The following TRDN variants were observed in gnomAD, a reference collection of about 807,000 sequenced individuals.
TRDN encodes triadin in skeletal muscle.
In TRDN, 161 loss-of-function variants were observed where a neutral mutation model predicts 149.7. The ratio of observed to expected loss-of-function variants is 1.08; its 90% confidence interval spans 0.95 to 1.23. The LOEUF (loss-of-function observed/expected upper bound fraction) is 1.23, where lower values mean the gene tolerates loss of function less well. Among genes scored for constraint, TRDN ranks in the 50% most tolerant of loss-of-function variants. The pLI is 0.00. For synonymous variants in TRDN, 294 were observed against 250.5 expected (o/e 1.17, Z -1.64); for missense variants, 896 against 823.5 (o/e 1.09, Z -1.08).
intron 23 of TRDN, among the ~76,000 whole-genome samples, chr6:123,320,152 T>C (rs980746784): frequency 2.0e-5 from 3 of 152,024 alleles, no homozygotes; most frequent in African/African-American, 7.2e-5. Flanking sequence ...TATTTTGTTA[T>C]TATCACGGTT....
chr6:123,368,046 G>T (rs887523566), intron 19 of TRDN, among the ~76,000 whole-genome samples: 1 of 152,116 alleles, frequency 6.6e-6, no homozygotes, highest in African/African-American at 2.4e-5. Context: ...TTCTCAGAAT[G>T]TTCATTTTAC....
At chr6:123,502,572 T>C (rs932834207) in intron 8 of TRDN, 1 of 984,568 alleles carries the variant, frequency 1.0e-6, no homozygotes, top group African/African-American at 1.7e-5. Context: ...AGTTTACAAA[T>C]GCAAATTCAA....
At chr6:123,501,975 T>C (rs887396382) in intron 8 of TRDN, 2 of 985,170 alleles carry the variant, frequency 2.0e-6, no homozygotes, top group Non-Finnish European at 2.4e-6. Context: ...CCCAAAGATA[T>C]GAAAAATTAA....
chr6:123,437,677 C>A (rs924294704), intron 12 of TRDN, among the ~76,000 whole-genome samples: 5 of 152,130 alleles, frequency 3.3e-5, no homozygotes, highest in Admixed American at 1.3e-4. Context: ...AGGAGCCTAA[C>A]TTCCTTGGAC....
chr6:123,450,364 A>G (rs944899196), intron 10 of TRDN, among the ~76,000 whole-genome samples: 1 of 152,156 alleles, frequency 6.6e-6, no homozygotes, highest in Non-Finnish European at 1.5e-5. Flanking sequence ...AAGGACACAC[A>G]TAAACTTAAA....
chr6:123,332,018 G>A, intron 22 of TRDN, 89 bp from the exon 23 acceptor site: 1 of 1,015,254 alleles, frequency 9.8e-7, no homozygotes, highest in Non-Finnish European at 1.4e-6. Context: ...GAAAGTATCA[G>A]TAAGCTGAAA....
intron 21 of TRDN, among the ~76,000 whole-genome samples, chr6:123,341,750 T>C (rs983179110): frequency 6.6e-6 from 1 of 151,996 alleles, no homozygotes; most frequent in Non-Finnish European, 1.5e-5. Flanking sequence ...AAGCATCAAC[T>C]AGAAAATACT....
intron 21 of TRDN, among the ~76,000 whole-genome samples, chr6:123,339,123 G>A (rs1779976668): frequency 6.6e-6 from 1 of 151,880 alleles, no homozygotes; most frequent in Non-Finnish European, 1.5e-5. Flanking sequence ...TCCTGCCTCA[G>A]CCTCCCAAGT....
In TRDN at chr6:123,451,593, C is replaced by A. The variant is rs186184492; in HGVS notation, c.932-12590G>T. ...AGCAGACCAATAACAAGCAGCAAGA[C>A]TGAAATCATAATTTAAAAATTACCA... is the stretch of plus-strand genomic sequence containing the variant. On this transcript the variant is annotated intron_variant, in intron 10 of 40. Transcript: ENST00000334268. 6.2e-3 allele frequency among the ~76,000 whole-genome samples: 944 copies of A among 151,954 alleles called. 11 individuals are homozygous for A. Among genetic ancestry groups the A allele is most frequent in the Admixed American group, 9.2e-3 (141 of 15,248 alleles).
At chr6:123,496,829 C>G in intron 9 of TRDN, among the ~76,000 whole-genome samples, 1 of 151,768 alleles carries the variant, frequency 6.6e-6, no homozygotes, top group Non-Finnish European at 1.5e-5. Flanking sequence ...GTGTTCACTA[C>G]TAAGAAAAGA....
chr6:123,524,745 T>C (rs1779862438), intron 5 of TRDN, among the ~76,000 whole-genome samples: 1 of 152,132 alleles, frequency 6.6e-6, no homozygotes, highest in African/African-American at 2.4e-5. Context: ...ATAATGAAAT[T>C]TTGAAATTTC....
chr6:123,289,466 C>G (rs9385291), intron 24 of TRDN, among the ~76,000 whole-genome samples: 27,622 of 151,994 alleles, frequency 0.18, 3,155 homozygotes, highest in East Asian at 0.54. Flanking sequence ...GAACTCAACT[C>G]TGGAGGTGGC....
chr6:123,603,004 A>T (rs1784348918), intron 1 of TRDN, among the ~76,000 whole-genome samples: 1 of 152,122 alleles, frequency 6.6e-6, no homozygotes, highest in African/African-American at 2.4e-5. Flanking sequence ...TTAATGTTGG[A>T]TGTATTATTT....
intron 1 of TRDN, among the ~76,000 whole-genome samples, chr6:123,631,670 T>C (rs1046095743): frequency 1.3e-5 from 2 of 152,060 alleles, no homozygotes; most frequent in African/African-American, 4.8e-5. Context: ...ATTAAATTCT[T>C]ATTAAAAGAT....
chr6:123,345,407 C>T (rs759250830), intron 21 of TRDN, among the ~76,000 whole-genome samples: 17 of 151,896 alleles, frequency 1.1e-4, no homozygotes, highest in Non-Finnish European at 2.1e-4. Flanking sequence ...TATTCTCTTT[C>T]ATTGATTTAT....
At chr6:123,460,419 A>G (rs1237213100) in intron 10 of TRDN, among the ~76,000 whole-genome samples, 1 of 152,152 alleles carries the variant, frequency 6.6e-6, no homozygotes, top group Non-Finnish European at 1.5e-5. Flanking sequence ...CTATATTGTT[A>G]TTAGCAACTC....
At chr6:123,515,592 T>C (rs189774213) in intron 6 of TRDN, among the ~76,000 whole-genome samples, 157 of 151,624 alleles carry the variant, frequency 1.0e-3, no homozygotes, top group African/African-American at 3.4e-3. Context: ...AAACATACAA[T>C]AAAGCTCTGG....
intron 4 of TRDN, among the ~76,000 whole-genome samples, chr6:123,532,308 T>G (rs1464420271): frequency 2.6e-5 from 4 of 152,104 alleles, no homozygotes; most frequent in African/African-American, 4.8e-5. Context: ...TCAGTTTGGC[T>G]AGGCTATTAT....
At chr6:123,487,381 T>G (rs1473308133) in intron 9 of TRDN, among the ~76,000 whole-genome samples, 2 of 152,114 alleles carry the variant, frequency 1.3e-5, no homozygotes, top group African/African-American at 4.8e-5. Context: ...GCAACATTAA[T>G]TTCTTAAGTC....
Sources: gnomAD v4.1 joint callset for allele counts (sites outside exome capture counted in the v4.1 genomes callset) on GRCh38, gnomAD v4.1.1 for gene constraint, MANE v1.5 for transcripts, NCBI Gene and HGNC (gene_info 2026-07-23, HGNC 2026-07-21) for gene names.